Variants in WDR7 observed in about 807,000 individuals in gnomAD.
WDR7 encodes the protein WD repeat domain 7.
WDR7 carries 46 observed loss-of-function variants against 169.4 expected under a neutral mutation model. The observed-to-expected ratio is 0.27, with a 90% CI of 0.21 to 0.35. WDR7 has a LOEUF of 0.35. Ranked by LOEUF, WDR7 falls within the 10% of genes least tolerant of loss-of-function variation. The probability of loss-of-function intolerance (pLI) is 1.00; values close to 1 mark genes in which losing one functional copy is unlikely to be tolerated. For missense variants in WDR7, 1,534 were observed against 1,859.3 expected, an observed-to-expected ratio of 0.83 and a Z score of 3.22; for synonymous variants, 612 against 666.8, an observed-to-expected ratio of 0.92 and a Z score of 1.27.
chr18:56,817,983 T>C (rs191126388), intron 20 of WDR7, among the ~76,000 whole-genome samples: 5 of 152,258 alleles, frequency 3.3e-5, no homozygotes, highest in Non-Finnish European at 4.4e-5. Flanking sequence ...GACCTTGTGA[T>C]CCACCTGCCT....
chr18:56,653,371 T>C (rs1359362785), intron 1 of WDR7, among the ~76,000 whole-genome samples: 1 of 152,122 alleles, frequency 6.6e-6, no homozygotes, highest in East Asian at 1.9e-4. Context: ...CATGCCTGGC[T>C]AATTTTTGTA....
At chr18:56,686,761 A>G (rs1247506502) in intron 6 of WDR7, 94 bp from the exon 7 acceptor site, 2 of 1,063,366 alleles carry the variant, frequency 1.9e-6, no homozygotes, top group African/African-American at 1.5e-5. Context: ...ATATGAAGCG[A>G]TGCCTTTATT....
At chr18:56,804,447 TAAAA>T (rs1163017965) in intron 19 of WDR7, among the ~76,000 whole-genome samples, 2 of 152,154 alleles carry the variant, frequency 1.3e-5, no homozygotes, top group Non-Finnish European at 2.9e-5. Context: ...TTGAGAAACA[TAAAA>T]AACGTGTCAG....
intron 26 of WDR7, 121 bp downstream of exon 26, chr18:56,962,650 G>C (rs1056884156): frequency 8.5e-5 from 73 of 854,868 alleles, no homozygotes; most frequent in Admixed American, 5.5e-4. Flanking sequence ...ATGCTAAAGG[G>C]ATCAATAGTT....
chr18:56,822,614 G>A (rs116989623), intron 20 of WDR7, among the ~76,000 whole-genome samples: 80 of 152,244 alleles, frequency 5.3e-4, no homozygotes, highest in African/African-American at 1.4e-4. Context: ...ACTTCCACCC[G>A]CACCCTCTGC....
At chr18:56,863,115 G>A (rs1035084987) in intron 20 of WDR7, among the ~76,000 whole-genome samples, 4 of 151,830 alleles carry the variant, frequency 2.6e-5, no homozygotes, top group Middle Eastern at 6.8e-3. Flanking sequence ...TTAAAGGCAT[G>A]AATTATTTGA....
At chr18:56,772,641 A>G (rs2044182310) in intron 16 of WDR7, among the ~76,000 whole-genome samples, 1 of 152,170 alleles carries the variant, frequency 6.6e-6, no homozygotes, top group South Asian at 2.1e-4. Flanking sequence ...CCATAGACAT[A>G]GAGATATTTA....
chr18:56,687,497 A>G (rs536879231), intron 7 of WDR7, among the ~76,000 whole-genome samples: 1 of 152,292 alleles, frequency 6.6e-6, no homozygotes, highest in Admixed American at 6.5e-5. Flanking sequence ...CTTGCCATGT[A>G]TTATTTCTTT....
intron 21 of WDR7, among the ~76,000 whole-genome samples, chr18:56,889,917 A>G (rs184148809): frequency 6.6e-6 from 1 of 152,288 alleles, no homozygotes; most frequent in African/African-American, 2.4e-5. Flanking sequence ...AGAGATAATT[A>G]ATTTTTTCCC....
At position 56,924,357 on chromosome 18, in the gene WDR7, A is replaced by T. The variant is rs573899503; in HGVS notation, c.3713+249A>T. ...ACATAGTTTTCCAATTGTATTTGTT[A>T]TACCGTGAAGTATTACTCACTAATA... On this transcript the variant is annotated intron_variant, in intron 22 of 27. Transcript: ENST00000254442. Among the ~76,000 whole-genome samples, 159 of 152,308 alleles carry T rather than the reference A, an allele frequency of 1.0e-3. 1 individual carries two copies. The highest frequency in any genetic ancestry group is 0.01 in the Middle Eastern group (3 of 294).
chr18:56,818,027 G>T (rs1033768417), intron 20 of WDR7, among the ~76,000 whole-genome samples: 2 of 152,180 alleles, frequency 1.3e-5, no homozygotes, highest in African/African-American at 4.8e-5. Context: ...ACAGGCATGA[G>T]CCACTGCACC....
intron 20 of WDR7, among the ~76,000 whole-genome samples, chr18:56,822,397 C>A (rs2045114894): frequency 6.6e-6 from 1 of 152,116 alleles, no homozygotes; most frequent in African/African-American, 2.4e-5. Context: ...TAGTCTGAGA[C>A]TAAATATTGA....
At chr18:56,821,361 T>C (rs995541976) in intron 20 of WDR7, among the ~76,000 whole-genome samples, 3 of 152,144 alleles carry the variant, frequency 2.0e-5, no homozygotes, top group Non-Finnish European at 2.9e-5. Flanking sequence ...TTTCCAGATA[T>C]GTAGTTGAGG....
intron 21 of WDR7, among the ~76,000 whole-genome samples, chr18:56,899,037 ATAAG>A (rs2046367625): frequency 6.6e-6 from 1 of 152,136 alleles, no homozygotes; most frequent in African/African-American, 2.4e-5. Context: ...TTATAGTAGT[ATAAG>A]TAATACTATA....
At chr18:56,680,689 A>G (rs919249361) in intron 3 of WDR7, among the ~76,000 whole-genome samples, 3 of 152,206 alleles carry the variant, frequency 2.0e-5, no homozygotes, top group Non-Finnish European at 2.9e-5. Flanking sequence ...TCAATCTTAT[A>G]TCTAGTTTTT....
intron 14 of WDR7, among the ~76,000 whole-genome samples, chr18:56,751,836 C>T (rs995068749): frequency 1.3e-5 from 2 of 152,184 alleles, no homozygotes; most frequent in African/African-American, 2.4e-5. Context: ...ATATCAAGCA[C>T]AGTGCTATGA....
At chr18:56,657,282 C>G (rs971292499) in intron 1 of WDR7, among the ~76,000 whole-genome samples, 5 of 151,934 alleles carry the variant, frequency 3.3e-5, no homozygotes, top group African/African-American at 1.2e-4. Context: ...CTCAGCCTCC[C>G]TAGTAGCTGG....
chr18:56,867,712 G>A (rs2045901661), intron 20 of WDR7, among the ~76,000 whole-genome samples: 2 of 152,106 alleles, frequency 1.3e-5, no homozygotes, highest in African/African-American at 4.8e-5. Context: ...AGGAGTAGTA[G>A]CATTTCCAAA....
intron 13 of WDR7, among the ~76,000 whole-genome samples, chr18:56,730,161 T>G (rs1338146754): frequency 6.6e-6 from 1 of 152,204 alleles, no homozygotes; most frequent in African/African-American, 2.4e-5. Flanking sequence ...GATACAACAG[T>G]GAACAAAACA....
Sources: gnomAD v4.1 joint callset for allele counts (sites outside exome capture counted in the v4.1 genomes callset) on GRCh38, gnomAD v4.1.1 for gene constraint, MANE v1.5 for transcripts, NCBI Gene and HGNC (gene_info 2026-07-23, HGNC 2026-07-21) for gene names.